The following TAB2 variants were observed in gnomAD, a reference collection of about 807,000 sequenced individuals.
The protein encoded by TAB2 is TGF-beta-activated kinase 1 and MAP3K7-binding protein 2.
TAB2 carries 3 observed loss-of-function variants against 65.0 expected under a neutral mutation model. The observed-to-expected ratio is 0.05, with a 90% CI of 0.02 to 0.12. The LOEUF (loss-of-function observed/expected upper bound fraction) is 0.12. TAB2 is among the 10% of genes least tolerant of loss of function. The pLI, the probability that TAB2 is intolerant of heterozygous loss-of-function variation, is 1.00. For missense variants in TAB2, 623 were observed against 840.3 expected (o/e 0.74, Z 3.20); for synonymous variants, 298 against 285.1 (o/e 1.05, Z -0.46).
At chr6:149,330,876 A>G (rs1242905959) in intron 1 of TAB2, among the ~76,000 whole-genome samples, 3 of 152,278 alleles carry the variant, frequency 2.0e-5, no homozygotes, top group Non-Finnish European at 4.4e-5. Context: ...AACAAAAAAG[A>G]CTATCCTTCC....
chr6:149,385,835 C>A (rs1781790065), intron 3 of TAB2, among the ~76,000 whole-genome samples: 1 of 152,028 alleles, frequency 6.6e-6, no homozygotes, highest in African/African-American at 2.4e-5. Flanking sequence ...TAAATTAATA[C>A]CTTTAAAAAG....
intron 1 of TAB2, among the ~76,000 whole-genome samples, chr6:149,301,986 A>T (rs1001336649): frequency 1.3e-5 from 2 of 152,176 alleles, no homozygotes; most frequent in South Asian, 2.1e-4. Context: ...TATAAAATTA[A>T]GCCTATCTCC....
chr6:149,318,224 G>A (rs1447250357), intron 1 of TAB2, among the ~76,000 whole-genome samples: 3 of 151,984 alleles, frequency 2.0e-5, no homozygotes, highest in African/African-American at 7.2e-5. Context: ...CCCCCAGTCC[G>A]GTGGGGGTGG....
intron 1 of TAB2, among the ~76,000 whole-genome samples, chr6:149,306,557 C>CAA (rs58001933): frequency 5.5e-5 from 6 of 108,564 alleles, no homozygotes; most frequent in Non-Finnish European, 1.0e-4. Flanking sequence ...GACTCCGTCT[C>CAA]AAAAAAAAAA....
At chr6:149,311,908 A>G (rs1779172671) in intron 1 of TAB2, among the ~76,000 whole-genome samples, 1 of 152,260 alleles carries the variant, frequency 6.6e-6, no homozygotes, top group Non-Finnish European at 1.5e-5. Context: ...TTGACCACCC[A>G]AGCTCAGCTT....
chr6:149,248,482 A>G (rs976821451), intron 1 of TAB2, among the ~76,000 whole-genome samples: 11 of 133,146 alleles, frequency 8.3e-5, no homozygotes, highest in African/African-American at 1.6e-4. Context: ...GAAAGAAAGA[A>G]AGAGAGAGAG....
In TAB2 at chr6:149,398,000, A is replaced by G; in HGVS notation, c.1796A>G (p.Asn599Ser). The G allele has an allele frequency of 6.2e-7, 1 of 1,613,828 alleles. No individual in the cohort carries two copies. Among genetic ancestry groups the G allele is most frequent in the Non-Finnish European group, 8.5e-7 (1 of 1,179,888 alleles). ...GAAATGCAGCAGCTGAGAAGTTGTAATAGACAACTCCAGATTGACATTGAC... is the reference window on the plus strand; with the variant it reads ...GAAATGCAGCAGCTGAGAAGTTGTAGTAGACAACTCCAGATTGACATTGAC... ...LEEMQQLRSC[N>S]RQLQIDIDCL... Residue 599 changes from asparagine to serine, a missense_variant, in exon 5 of 7, where the codon AAT (asparagine) becomes AGT (serine). By Grantham distance (46) the Asn-to-Ser change is conservative (BLOSUM62 1). Coordinates refer to ENST00000637181, the MANE Select transcript of TAB2 (RefSeq NM_001292034.3).
chr6:149,330,927 G>C lies in TAB2; in HGVS notation c.-90+12912G>C, dbSNP rs73613022. ...TTGTACCTTTGTCAAAAATCAGATA[G>C]CCGTAATTGTGAGGATCTATTTCTG... On this transcript the variant is annotated intron_variant, in intron 1 of 6. Transcript: ENST00000637181. Among the ~76,000 whole-genome samples, 767 of 152,188 alleles carry C rather than the reference G, an allele frequency of 5.0e-3. 6 individuals carry two copies. The highest frequency in any genetic ancestry group is 0.018 in the African/African-American group (746 of 41,522).
chr6:149,272,718 T>A (rs1778385714), intron 1 of TAB2, among the ~76,000 whole-genome samples: 1 of 152,200 alleles, frequency 6.6e-6, no homozygotes, highest in Non-Finnish European at 1.5e-5. Context: ...ACTTGGGGGA[T>A]TTGCCTGTGG....
intron 1 of TAB2, among the ~76,000 whole-genome samples, chr6:149,231,917 G>A (rs1583035184): frequency 6.6e-6 from 1 of 152,164 alleles, no homozygotes; most frequent in Non-Finnish European, 1.5e-5. Context: ...CGGAGAGCAG[G>A]GTTTCTGGAC....
At chr6:149,329,946 A>C (rs949949553) in intron 1 of TAB2, among the ~76,000 whole-genome samples, 6 of 152,178 alleles carry the variant, frequency 3.9e-5, no homozygotes, top group African/African-American at 1.4e-4. Context: ...AAACTGTTTC[A>C]TCATCATAAA....
chr6:149,229,034 G>A lies in TAB2; in HGVS notation c.-121+10258G>A, dbSNP rs184054292. Among the ~76,000 whole-genome samples the A allele has an allele frequency of 2.2e-4, 34 of 152,332 alleles. 1 individual carries two copies. Among genetic ancestry groups the A allele is most frequent in the Admixed American group, 2.0e-3 (31 of 15,312 alleles). ...GGGGGAAATAACCATTGGAAAGATG[G>A]CAGCAAAGAGTGACACTCACAATAA... is the stretch of plus-strand genomic sequence containing the variant. On this transcript the variant is annotated intron_variant, in intron 1 of 1. Transcript: ENST00000606202.
At chr6:149,357,430 A>AAAAAAAACACACACACAC in intron 1 of TAB2, among the ~76,000 whole-genome samples, 12 of 111,174 alleles carry the variant, frequency 1.1e-4, no homozygotes, top group African/African-American at 1.7e-4. Context: ...AGAAAAAAAA[A>AAAAAAAACACACACACAC]ACACACACAC....
chr6:149,300,022 T>A (rs1778943960), intron 1 of TAB2, among the ~76,000 whole-genome samples: 4 of 152,252 alleles, frequency 2.6e-5, no homozygotes, highest in African/African-American at 4.8e-5. Flanking sequence ...AATTTTTTTT[T>A]AAATGTTGCT....
intron 1 of TAB2, among the ~76,000 whole-genome samples, chr6:149,296,058 T>G (rs1778872308): frequency 6.6e-6 from 1 of 152,078 alleles, no homozygotes. Context: ...CATAAGCCAT[T>G]GCACCAGGCC....
At chr6:149,396,528 C>G (rs1403901600) in intron 3 of TAB2, among the ~76,000 whole-genome samples, 1 of 152,154 alleles carries the variant, frequency 6.6e-6, no homozygotes, top group Non-Finnish European at 1.5e-5. Context: ...TCCAAATCTG[C>G]TTTATTTTTC....
chr6:149,368,645 TTGTG>T (rs3056968), intron 1 of TAB2, among the ~76,000 whole-genome samples: 3,530 of 147,576 alleles, frequency 0.024, 126 homozygotes, highest in East Asian at 0.16. Context: ...ATGCGAAAAT[TTGTG>T]TGTGTGTGTG....
rs769634718 is a variant in TAB2, at chr6:149,378,074, T to C, written c.159T>C (p.Tyr53=). The change falls in exon 3 of 7, where the codon TAT becomes TAC. Residue 53 remains tyrosine, a synonymous_variant. Coordinates refer to ENST00000637181, the MANE Select transcript of TAB2 (RefSeq NM_001292034.3). The part of the protein sequence containing the change: ...CAVLSQESTR[Y]LYGEGDLNFS... ...TTCTCTCTCAGGAGAGTACAAGATA[T>C]CTTTATGGTGAAGGAGACTTGAATT... 1.2e-6 allele frequency: 2 copies of C among 1,614,046 alleles called. No individual in the cohort carries two copies. The highest frequency in any genetic ancestry group is 2.2e-5 in the South Asian group (2 of 91,092).
intron 1 of TAB2, among the ~76,000 whole-genome samples, chr6:149,306,454 G>A (rs1386551705): frequency 6.6e-6 from 1 of 151,670 alleles, no homozygotes. Flanking sequence ...GGAGGCTGAG[G>A]CAGAAGAATG....
Sources: gnomAD v4.1 joint callset for allele counts (sites outside exome capture counted in the v4.1 genomes callset) on GRCh38, gnomAD v4.1.1 for gene constraint, MANE v1.5 for transcripts, NCBI Gene and HGNC (gene_info 2026-07-23, HGNC 2026-07-21) for gene names.